The following ANKS1B variants were observed in gnomAD, a reference collection of about 807,000 sequenced individuals.
ANKS1B encodes the protein ankyrin repeat and sterile alpha motif domain-containing protein 1B.
A neutral mutation model predicts 148.3 loss-of-function variants in ANKS1B; 36 were observed. The observed-to-expected ratio is 0.24, with a 90% confidence interval of 0.19 to 0.32. The LOEUF (loss-of-function observed/expected upper bound fraction) is 0.32. ANKS1B is among the 10% of genes least tolerant of loss of function. The probability of loss-of-function intolerance (pLI) is 1.00; values close to 1 mark genes in which losing one functional copy is unlikely to be tolerated. For missense variants in ANKS1B, 1,157 were observed against 1,542.6 expected, an observed-to-expected ratio of 0.75 and a Z score of 4.19; for synonymous variants, 542 against 560.8, an observed-to-expected ratio of 0.97 and a Z score of 0.47.
In ANKS1B at chr12:99,397,770, TAAGTA is replaced by T. The variant is rs377668390; in HGVS notation, c.1756+1856_1756+1860del. ...ACAGTTCCTGACACATAGTGTCATTTAAGTATTTATTATTATTGTTATTTTTGCAT... is the reference window on the plus strand; with the variant it reads ...ACAGTTCCTGACACATAGTGTCATTTTTTATTATTATTGTTATTTTTGCAT... On this transcript the variant is annotated intron_variant, in intron 12 of 26. Transcript: ENST00000683438. Among the ~76,000 whole-genome samples the T allele has an allele frequency of 5.1e-3, 771 of 152,308 alleles. 2 individuals carry two copies. The highest frequency in any genetic ancestry group is 0.027 in the Middle Eastern group (8 of 294).
intron 9 of ANKS1B, among the ~76,000 whole-genome samples, chr12:99,609,349 C>T (rs1031014221): frequency 6.6e-6 from 1 of 151,798 alleles, no homozygotes; most frequent in South Asian, 2.1e-4. Flanking sequence ...TAACTCAGAA[C>T]CAAAACCAGT....
At chr12:99,630,616 G>A (rs1175746959) in intron 9 of ANKS1B, among the ~76,000 whole-genome samples, 1 of 152,146 alleles carries the variant, frequency 6.6e-6, no homozygotes, top group Non-Finnish European at 1.5e-5. Flanking sequence ...AAAGCATCAG[G>A]CATGCCCTCT....
intron 10 of ANKS1B, among the ~76,000 whole-genome samples, chr12:99,466,410 C>A (rs2096115196): frequency 6.6e-6 from 1 of 151,886 alleles, no homozygotes; most frequent in Non-Finnish European, 1.5e-5. Flanking sequence ...CATTCAAAAG[C>A]TAGCAGAAGG....
At chr12:98,913,192 A>G (rs1443197753) in intron 17 of ANKS1B, among the ~76,000 whole-genome samples, 3 of 152,150 alleles carry the variant, frequency 2.0e-5, no homozygotes, top group Non-Finnish European at 4.4e-5. Flanking sequence ...TTTCTCATTA[A>G]TTCATTCCAG....
intron 12 of ANKS1B, among the ~76,000 whole-genome samples, chr12:99,291,963 G>A (rs2080063867): frequency 6.6e-6 from 1 of 152,162 alleles, no homozygotes; most frequent in African/African-American, 2.4e-5. Flanking sequence ...TATGTAGAAA[G>A]CTGAAACTGG....
At chr12:99,163,504 T>TGTGTG (rs1555318159) in intron 14 of ANKS1B, among the ~76,000 whole-genome samples, 10 of 123,672 alleles carry the variant, frequency 8.1e-5, no homozygotes, top group South Asian at 6.1e-4. Flanking sequence ...TGTGTGTGTG[T>TGTGTG]TTAGTTCTGT....
At chr12:99,909,232 G>A (rs938665884) in intron 1 of ANKS1B, among the ~76,000 whole-genome samples, 5 of 146,506 alleles carry the variant, frequency 3.4e-5, no homozygotes, top group South Asian at 2.1e-4. Flanking sequence ...GTGTGTGTGT[G>A]TGTGTGTGTG....
At chr12:99,718,783 T>C (rs547135183) in intron 8 of ANKS1B, among the ~76,000 whole-genome samples, 1 of 152,298 alleles carries the variant, frequency 6.6e-6, no homozygotes, top group East Asian at 1.9e-4. Flanking sequence ...GCACCCTTCA[T>C]CCCAGCCTTT....
intron 1 of ANKS1B, among the ~76,000 whole-genome samples, chr12:99,922,409 T>C (rs1001645594): frequency 2.6e-5 from 4 of 152,146 alleles, no homozygotes; most frequent in Admixed American, 6.6e-5. Context: ...TAAACACTTC[T>C]AACAAGAGTA....
intron 17 of ANKS1B, among the ~76,000 whole-genome samples, chr12:98,973,226 T>A (rs73139201): frequency 0.3 from 26,927 of 88,616 alleles, 2,682 homozygotes; most frequent in African/African-American, 0.53. Context: ...AAAAAAAAAA[T>A]AATAAAGAAA....
At chr12:99,741,505 T>C (rs543841258) in intron 8 of ANKS1B, among the ~76,000 whole-genome samples, 3 of 152,182 alleles carry the variant, frequency 2.0e-5, no homozygotes, top group South Asian at 4.1e-4. Flanking sequence ...CAAATGCCCA[T>C]CAATGATAGG....
intron 11 of ANKS1B, among the ~76,000 whole-genome samples, chr12:99,418,016 C>T (rs2094961463): frequency 6.6e-6 from 1 of 152,184 alleles, no homozygotes; most frequent in African/African-American, 2.4e-5. Context: ...GAAATAGTAA[C>T]TTTCCCAAAC....
chr12:99,540,810 G>A (rs942421358), intron 9 of ANKS1B, among the ~76,000 whole-genome samples: 1 of 150,880 alleles, frequency 6.6e-6, no homozygotes, highest in Non-Finnish European at 1.5e-5. Flanking sequence ...TGCAAATAAA[G>A]AATAGAAAAA....
intron 14 of ANKS1B, among the ~76,000 whole-genome samples, chr12:99,169,135 T>C (rs2077493254): frequency 1.3e-5 from 2 of 152,202 alleles, no homozygotes. Context: ...GGAGATAGCT[T>C]TGAATATCCA....
chr12:98,820,811 T>C (rs1246553010), intron 19 of ANKS1B, among the ~76,000 whole-genome samples: 5 of 152,186 alleles, frequency 3.3e-5, no homozygotes, highest in Non-Finnish European at 5.9e-5. Flanking sequence ...ATAAAAACTA[T>C]GATTTCCAAG....
chr12:99,430,647 T>A (rs563152070), intron 11 of ANKS1B, among the ~76,000 whole-genome samples: 141 of 152,296 alleles, frequency 9.3e-4, no homozygotes, highest in African/African-American at 3.3e-3. Flanking sequence ...GTTACTGAGC[T>A]GTAAAACGAC....
chr12:99,310,574 G>A (rs529078379), intron 12 of ANKS1B, among the ~76,000 whole-genome samples: 6 of 152,174 alleles, frequency 3.9e-5, no homozygotes, highest in Admixed American at 2.0e-4. Context: ...AAACTGAAAC[G>A]TTGGCTGTTT....
chr12:99,212,147 A>G (rs1257727484), intron 14 of ANKS1B, among the ~76,000 whole-genome samples: 2 of 152,188 alleles, frequency 1.3e-5, no homozygotes, highest in Non-Finnish European at 2.9e-5. Context: ...TGCCAGATTA[A>G]TTCTTCCCAA....
chr12:99,264,879 T>G (rs1308567280), intron 12 of ANKS1B, among the ~76,000 whole-genome samples: 1 of 152,110 alleles, frequency 6.6e-6, no homozygotes, highest in East Asian at 1.9e-4. Context: ...TTCATTCACA[T>G]AGTACAAATG....
Sources: allele counts gnomAD v4.1 joint callset (sites outside exome capture counted in the v4.1 genomes callset), GRCh38; gene constraint gnomAD v4.1.1; transcripts MANE v1.5; gene names NCBI Gene and HGNC (gene_info 2026-07-23, HGNC 2026-07-21).